NTM: variants seen among roughly 807,000 people sequenced by gnomAD.
NTM encodes neurotrimin, also known as IgLON family member 2.
A neutral mutation model predicts 42.1 loss-of-function variants in NTM; 13 were observed. That is an observed-to-expected ratio of 0.31 (90% CI 0.20 to 0.49). The LOEUF (loss-of-function observed/expected upper bound fraction) is 0.49, where lower values mean the gene tolerates loss of function less well. NTM is among the 20% of genes least tolerant of loss of function. The probability of loss-of-function intolerance (pLI) is 0.99; values close to 1 mark genes in which losing one functional copy is unlikely to be tolerated. For synonymous variants in NTM, 187 were observed against 179.2 expected (o/e 1.04, Z -0.35); for missense variants, 373 against 452.8 (o/e 0.82, Z 1.60).
chr11:131,930,936 G>A (rs1477018993), intron 2 of NTM, among the ~76,000 whole-genome samples: 1 of 152,170 alleles, frequency 6.6e-6, no homozygotes, highest in Non-Finnish European at 1.5e-5. Context: ...TCAGTCAGAA[G>A]TGCTTTGATG....
chr11:132,252,188 A>G (rs2092019188), intron 4 of NTM, among the ~76,000 whole-genome samples: 2 of 151,514 alleles, frequency 1.3e-5, no homozygotes, highest in Middle Eastern at 3.2e-3. Context: ...TCTTTATCTT[A>G]GCATTTGTTT....
chr11:131,961,557 T>A (rs2062171676), intron 2 of NTM, among the ~76,000 whole-genome samples: 1 of 152,118 alleles, frequency 6.6e-6, no homozygotes, highest in East Asian at 1.9e-4. Context: ...GTTGGTCTGA[T>A]GAAAGGTGAA....
chr11:132,205,655 A>G (rs1232887199), intron 3 of NTM, among the ~76,000 whole-genome samples: 1 of 152,118 alleles, frequency 6.6e-6, no homozygotes, highest in Admixed American at 6.6e-5. Context: ...GCCAGGAGGC[A>G]CCACATACAT....
At chr11:131,414,215 C>T (rs1055262354) in intron 1 of NTM, among the ~76,000 whole-genome samples, 8 of 152,208 alleles carry the variant, frequency 5.3e-5, no homozygotes, top group African/African-American at 1.9e-4. Flanking sequence ...TACACTGTGG[C>T]TCTGTCCACC....
In NTM at chr11:131,789,862, A is replaced by G. The variant is rs1284906527; in HGVS notation, c.83-121702A>G. Reference sequence around the variant, plus strand: ...TCCCAGCTACACGGGAGGCTGAGGCAGGAGAATGGCGTGAACCCGGGAGGC... The same window carrying G: ...TCCCAGCTACACGGGAGGCTGAGGCGGGAGAATGGCGTGAACCCGGGAGGC... On this transcript the variant is annotated intron_variant, in intron 1 of 8. Transcript: ENST00000683400. Among the ~76,000 whole-genome samples, 5 of 145,848 alleles carry G rather than the reference A, an allele frequency of 3.4e-5. No individual in the cohort carries two copies. In the South Asian group the frequency reaches 6.8e-4, roughly 20 times the overall value.
intron 2 of NTM, among the ~76,000 whole-genome samples, chr11:131,962,857 C>T (rs2062379546): frequency 6.6e-6 from 1 of 152,146 alleles, no homozygotes; most frequent in Non-Finnish European, 1.5e-5. Context: ...ACCACACTGT[C>T]CTTCAGCAGC....
chr11:131,683,822 A>C (rs1458023524), intron 1 of NTM, among the ~76,000 whole-genome samples: 9 of 152,118 alleles, frequency 5.9e-5, no homozygotes, highest in Non-Finnish European at 1.3e-4. Flanking sequence ...GTCCTTTGTC[A>C]TTGGAGCTGA....
intron 4 of NTM, among the ~76,000 whole-genome samples, chr11:132,255,080 T>A (rs1257965280): frequency 1.3e-5 from 2 of 152,198 alleles, no homozygotes; most frequent in East Asian, 3.9e-4. Flanking sequence ...GGAGTTGAGG[T>A]TTCTATGCCT....
At chr11:132,266,067 A>G (rs1156645918) in intron 4 of NTM, among the ~76,000 whole-genome samples, 1 of 152,214 alleles carries the variant, frequency 6.6e-6, no homozygotes, top group African/African-American at 2.4e-5. Context: ...GAGAGCAAGT[A>G]CAGGGGTGAC....
At chr11:132,117,376 T>A (rs949607367) in intron 2 of NTM, among the ~76,000 whole-genome samples, 15 of 152,198 alleles carry the variant, frequency 9.9e-5, no homozygotes, top group African/African-American at 3.4e-4. Flanking sequence ...CTCTCCCTAG[T>A]CTGTGCCCCA....
chr11:132,109,828 G>A (rs2062925041), intron 2 of NTM, among the ~76,000 whole-genome samples: 1 of 152,122 alleles, frequency 6.6e-6, no homozygotes. Flanking sequence ...AAAGTCCATT[G>A]TATCATTCTT....
intron 1 of NTM, chr11:131,535,324 T>G (rs1029130489): frequency 3.9e-5 from 6 of 152,042 alleles, no homozygotes; most frequent in African/African-American, 9.7e-5. Context: ...ATAAAAGAAA[T>G]AAATAACAAC....
At chr11:132,113,232 TCTC>T (rs1401861059) in intron 2 of NTM, among the ~76,000 whole-genome samples, 2 of 152,226 alleles carry the variant, frequency 1.3e-5, no homozygotes, top group East Asian at 1.9e-4. Context: ...GCGAGGCACT[TCTC>T]CTGGGTGGTT....
intron 4 of NTM, among the ~76,000 whole-genome samples, chr11:132,289,743 C>T (rs1009859143): frequency 2.6e-5 from 4 of 152,144 alleles, no homozygotes; most frequent in Non-Finnish European, 4.4e-5. Flanking sequence ...TTTTAGATGT[C>T]TTTGTGGCCA....
At chr11:131,711,607 T>G (rs1240038505) in intron 1 of NTM, among the ~76,000 whole-genome samples, 1 of 152,106 alleles carries the variant, frequency 6.6e-6, no homozygotes, top group African/African-American at 2.4e-5. Context: ...GAAATACCAT[T>G]TGACCCAGCC....
intron 3 of NTM, among the ~76,000 whole-genome samples, chr11:132,202,915 G>A (rs1357135645): frequency 6.6e-6 from 1 of 152,176 alleles, no homozygotes; most frequent in East Asian, 1.9e-4. Context: ...TTACTATGGA[G>A]GGCGAGAGAA....
chr11:132,278,845 C>T (rs2093848512), intron 4 of NTM, among the ~76,000 whole-genome samples: 2 of 150,750 alleles, frequency 1.3e-5, no homozygotes, highest in Admixed American at 1.3e-4. Flanking sequence ...TCTTTGTTCA[C>T]TCTACGCTCC....
chr11:132,226,862 C>G (rs1424561629), intron 4 of NTM, among the ~76,000 whole-genome samples: 2 of 152,190 alleles, frequency 1.3e-5, no homozygotes, highest in Admixed American at 6.5e-5. Flanking sequence ...TTAAGACTGA[C>G]TATAAGATTT....
intron 1 of NTM, among the ~76,000 whole-genome samples, chr11:131,837,335 GTTTTC>G (rs2043632230): frequency 6.6e-6 from 1 of 152,066 alleles, no homozygotes; most frequent in Non-Finnish European, 1.5e-5. Flanking sequence ...CTAATGCAGT[GTTTTC>G]TAATATATTG....
Sources: gnomAD v4.1 joint callset for allele counts (sites outside exome capture counted in the v4.1 genomes callset) on GRCh38, gnomAD v4.1.1 for gene constraint, MANE v1.5 for transcripts, NCBI Gene and HGNC (gene_info 2026-07-23, HGNC 2026-07-21) for gene names.